Variants in PLOD3 observed in about 807,000 individuals in gnomAD.
PLOD3 encodes the protein multifunctional procollagen lysine hydroxylase and glycosyltransferase LH3.
Under a neutral mutation model 96.9 loss-of-function variants are expected in PLOD3, and 73 were observed. That is an observed-to-expected ratio of 0.75 (90% CI 0.62 to 0.92). The LOEUF is 0.92. PLOD3 is among the 40% of genes least tolerant of loss of function. The pLI is 0.00. For missense variants in PLOD3, 1,004 were observed against 1,004.3 expected, an observed-to-expected ratio of 1.00 and a Z score of 0.00; for synonymous variants, 454 against 413.7, an observed-to-expected ratio of 1.10 and a Z score of -1.18.
At position 101,206,984 on chromosome 7, in the gene PLOD3, T is replaced by C. The variant is rs952985756; in HGVS notation, c.1936-80A>G. 3 of 1,468,968 alleles carry C rather than the reference T, an allele frequency of 2.0e-6. No homozygotes were observed. The South Asian group carries it at 3.7e-5, about 18-fold the overall frequency. The allele number at this position is 1,468,968 out of a possible 1,614,324, so 91.0% of individuals were successfully genotyped here. On this transcript the variant is annotated intron_variant, in intron 17 of 18. Transcript: ENST00000223127. ...TTATTTTGTATTATTATTATTCTTT[T>C]GAGATAGTCTCGCTCTGTCACTCAG...
At chr7:101,217,067 G>A in intron 1 of PLOD3, 99 bp downstream of exon 1, 4 of 1,280,644 alleles carry the variant, frequency 3.1e-6, no homozygotes, top group Non-Finnish European at 4.2e-6. Flanking sequence ...CGGGGGACGG[G>A]CCAGACACCT....
rs765849561 is a variant in PLOD3 at position 101,216,441 on chromosome 7, G to C, written c.307C>G (p.Arg103Gly). ...LKKEMEKYAD[R>G]EDMIIMFVDS... ...ACAAACATGATGATCATATCCTCCC[G>C]GTCAGCGTATTTCTCCATTTCCTTC... The change falls in exon 3 of 19, where the codon CGG becomes GGG. Residue 103 changes from arginine to glycine, a missense_variant. Coordinates refer to ENST00000223127, the MANE Select transcript of PLOD3 (RefSeq NM_001084.5). 9 of 1,613,950 alleles carry C rather than the reference G, an allele frequency of 5.6e-6. No homozygotes were observed. The African/African-American group carries it at 6.7e-5, about 12-fold the overall frequency.
At chr7:101,216,576 A>C (rs1220068759) in intron 2 of PLOD3, 30 bp from the exon 3 acceptor site, 3 of 1,613,450 alleles carry the variant, frequency 1.9e-6, no homozygotes. Context: ...GTGCCAGGCA[A>C]GGGGTGGGGA....
At chr7:101,210,300 T>C (rs781383644) in intron 14 of PLOD3, 31 bp downstream of exon 14, 2 of 1,567,404 alleles carry the variant, frequency 1.3e-6, no homozygotes, top group Non-Finnish European at 1.8e-6. Flanking sequence ...GCGGGGAACC[T>C]GTGTGCTCTG....
intron 15 of PLOD3, among the ~76,000 whole-genome samples, chr7:101,209,510 T>C (rs1406106797): frequency 6.6e-6 from 1 of 150,990 alleles, no homozygotes; most frequent in East Asian, 1.9e-4. Context: ...CCCGAGTAGC[T>C]GGGACTACAG....
rs1053226368 is a variant in PLOD3 at position 101,216,544 on chromosome 7, G to T, written c.204C>A (p.Thr68=). 1 of 1,613,988 alleles carries T rather than the reference G, an allele frequency of 6.2e-7. No individual in the cohort carries two copies. Among genetic ancestry groups the T allele is most frequent in the Admixed American group, 1.7e-5 (1 of 59,998 alleles). The change falls in exon 3 of 19, where the codon ACC becomes ACA. Residue 68 remains threonine, a splice_region_variant and synonymous_variant. Coordinates refer to ENST00000223127, the MANE Select transcript of PLOD3 (RefSeq NM_001084.5). ...CTCGCCACTCCTCTCCCAGGCCCAG[G>T]GTCTGTGGAGAAGATTGCCCCGTGC... The part of the protein sequence containing the change: ...SAEFFNYTVR[T]LGLGEEWRGG...
In PLOD3 at chr7:101,212,394, G is replaced by C. The variant is rs1309876269; in HGVS notation, c.1006-20C>G. On this transcript the variant is annotated intron_variant, in intron 9 of 18. Coordinates refer to ENST00000223127, the MANE Select transcript of PLOD3 (RefSeq NM_001084.5). ...GACCTCCTGGGAGGGGAAGACATAGGGGGATGGGCTCAGAGGGCAGGGAGG... is the reference window on the plus strand; with the variant it reads ...GACCTCCTGGGAGGGGAAGACATAGCGGGATGGGCTCAGAGGGCAGGGAGG... 2.5e-6 allele frequency: 4 copies of C among 1,612,792 alleles called. No homozygotes were observed. The highest frequency in any genetic ancestry group is 2.5e-6 in the Non-Finnish European group (3 of 1,179,458).
In PLOD3 at chr7:101,210,325, A is replaced by G; in HGVS notation, c.1614+6T>C. The G allele has an allele frequency of 6.2e-7, 1 of 1,608,290 alleles. No individual in the cohort carries two copies. The highest frequency in any genetic ancestry group is 8.5e-7 in the Non-Finnish European group (1 of 1,174,890). On this transcript the variant is annotated splice_donor_region_variant and intron_variant, in intron 14 of 18. Coordinates refer to ENST00000223127, the MANE Select transcript of PLOD3 (RefSeq NM_001084.5). ...TGTGTGCTCTGGGCGTGGGGTCCCCACTCACGACGGGGTTGTCGAAGATCT... is the reference window on the plus strand; with the variant it reads ...TGTGTGCTCTGGGCGTGGGGTCCCCGCTCACGACGGGGTTGTCGAAGATCT...
At chr7:101,217,063 A>C in intron 1 of PLOD3, 103 bp downstream of exon 1, 1 of 1,238,030 alleles carries the variant, frequency 8.1e-7, no homozygotes, top group Non-Finnish European at 1.1e-6. Context: ...TGGGCGGGGG[A>C]CGGGCCAGAC....
intron 15 of PLOD3, among the ~76,000 whole-genome samples, chr7:101,209,497 C>T (rs952806408): frequency 7.9e-5 from 12 of 151,964 alleles, no homozygotes; most frequent in African/African-American, 2.9e-4. Context: ...CCCACCTCAG[C>T]CTCCCGAGTA....
intron 17 of PLOD3, 68 bp downstream of exon 17, chr7:101,207,510 C>A: frequency 6.5e-7 from 1 of 1,531,780 alleles, no homozygotes; most frequent in East Asian, 2.3e-5. Flanking sequence ...AAGGGGTCTG[C>A]GTGGAGACTT....
chr7:101,206,191 CAG>C lies in PLOD3; in HGVS notation c.*88_*89del, dbSNP rs371061268. On this transcript the variant is annotated 3_prime_UTR_variant, in exon 19 of 19. Coordinates refer to ENST00000223127, the MANE Select transcript of PLOD3 (RefSeq NM_001084.5). ...AACATGAACTCAGGAAGTGGGGAGA[CAG>C]AGAGACCCATCCCCCAACTCCCAGG... The C allele has an allele frequency of 3.2e-6, 4 of 1,269,100 alleles. No individual in the cohort carries two copies. The highest frequency in any genetic ancestry group is 4.6e-6 in the Non-Finnish European group (4 of 866,292). The allele number at this position is 1,269,100 out of a possible 1,614,324, so 78.6% of individuals were successfully genotyped here. A position where few individuals can be genotyped will look rare whatever the true frequency, so the allele number is the denominator to read the frequency against.
At position 101,215,127 on chromosome 7, in the gene PLOD3, T is replaced by C. The variant is rs140075236; in HGVS notation, c.641A>G (p.His214Arg). 6.2e-7 allele frequency: 1 copy of C among 1,613,464 alleles called. No homozygotes were observed. ...LREKLSLNLD[H>R]KSRIFQNLNG... ...GAGGTTCTGAAAGATCCGAGACTTA[T>C]GATCCAGATTAAGGCTGAGTTTCTC... Residue 214 changes from histidine (H) to arginine (R), a missense_variant, in exon 6 of 19, where the codon CAT (histidine) becomes CGT (arginine). Coordinates refer to ENST00000223127, the MANE Select transcript of PLOD3 (RefSeq NM_001084.5).
In PLOD3 at chr7:101,206,446, G is replaced by A. The variant is rs1363572974; in HGVS notation, c.2062-10C>T. The A allele has an allele frequency of 6.3e-7, 1 of 1,585,852 alleles. No homozygotes were observed. Among genetic ancestry groups the A allele is most frequent in the Non-Finnish European group, 8.6e-7 (1 of 1,166,810 alleles). ...AGCGGCAGCCACCTCCCTGGAAAGAGAAGGGAAAGGAAACATGGAGTGAGC... is the reference window on the plus strand; with the variant it reads ...AGCGGCAGCCACCTCCCTGGAAAGAAAAGGGAAAGGAAACATGGAGTGAGC... On this transcript the variant is annotated splice_polypyrimidine_tract_variant and intron_variant, in intron 18 of 18. Coordinates refer to ENST00000223127, the MANE Select transcript of PLOD3 (RefSeq NM_001084.5).
intron 5 of PLOD3, 114 bp downstream of exon 5, chr7:101,215,794 G>T (rs1410965006): frequency 9.2e-6 from 7 of 759,248 alleles, no homozygotes; most frequent in African/African-American, 6.9e-5. Flanking sequence ...GAGCCACCAC[G>T]CCCAGGCACA....
intron 5 of PLOD3, 24 bp downstream of exon 5, chr7:101,215,884 C>T (rs753190363): frequency 8.1e-6 from 12 of 1,478,736 alleles, no homozygotes; most frequent in East Asian, 2.3e-5. Flanking sequence ...CTGCGGGATG[C>T]GCCCACTCCT....
Position 101,206,782 on chromosome 7 carries a change from A to G in PLOD3, c.2058T>C (p.Tyr686=). 1.3e-6 allele frequency: 2 copies of G among 1,583,128 alleles called. No homozygotes were observed. Among genetic ancestry groups the G allele is most frequent in the Non-Finnish European group, 1.7e-6 (2 of 1,164,412 alleles). ...GGGTAGTGTGACTGGGGCGCACCTCATAGTCCAGGCCCTTGTGGTTGAGGG... is the reference window on the plus strand; with the variant it reads ...GGGTAGTGTGACTGGGGCGCACCTCGTAGTCCAGGCCCTTGTGGTTGAGGG... ...NVALNHKGLD[Y]EGGGCRFLRY... is the part of the protein sequence containing the mutation. Residue 686 remains tyrosine, a synonymous_variant, in exon 18 of 19, where the codon TAT becomes TAC. Transcript: ENST00000223127.
intron 6 of PLOD3, chr7:101,213,577 C>T (rs780990906): frequency 4.6e-5 from 12 of 260,462 alleles, no homozygotes; most frequent in Non-Finnish European, 7.6e-5. Context: ...AGTGCAATGG[C>T]GTGGTCTCGG....
intron 16 of PLOD3, among the ~76,000 whole-genome samples, chr7:101,208,236 A>G (rs1387455806): frequency 6.6e-6 from 1 of 152,056 alleles, no homozygotes; most frequent in Non-Finnish European, 1.5e-5. Flanking sequence ...TAGCTGGGAC[A>G]TGCCACCATG....
Sources: gnomAD v4.1 joint callset for allele counts (sites outside exome capture counted in the v4.1 genomes callset) on GRCh38, gnomAD v4.1.1 for gene constraint, MANE v1.5 for transcripts, NCBI Gene and HGNC (gene_info 2026-07-23, HGNC 2026-07-21) for gene names.